LRP1B: variants seen among roughly 807,000 people sequenced by gnomAD.
The protein encoded by LRP1B is LDL receptor related protein 1B.
In LRP1B, 217 loss-of-function variants were observed where a neutral mutation model predicts 556.6. That is an observed-to-expected ratio of 0.39 (90% CI 0.35 to 0.44). The LOEUF is 0.44. Ranked by LOEUF, LRP1B falls within the 20% of genes least tolerant of loss-of-function variation. LRP1B has a pLI of 1.00. For synonymous variants in LRP1B, 2,047 were observed against 1,865.8 expected, an observed-to-expected ratio of 1.10 and a Z score of -2.50; for missense variants, 5,053 against 5,620.8, an observed-to-expected ratio of 0.90 and a Z score of 3.23.
chr2:141,172,312 C>A (rs1680534970), intron 7 of LRP1B, among the ~76,000 whole-genome samples: 1 of 151,898 alleles, frequency 6.6e-6, no homozygotes, highest in African/African-American at 2.4e-5. Context: ...CAACATGAAC[C>A]GTCAGAATAA....
At chr2:140,545,120 T>C (rs1485236384) in intron 43 of LRP1B, among the ~76,000 whole-genome samples, 1 of 148,658 alleles carries the variant, frequency 6.7e-6, no homozygotes, top group Non-Finnish European at 1.5e-5. Flanking sequence ...GTTTATGTCC[T>C]TTGCCCACAT....
chr2:140,263,922 G>A (rs561508739), intron 86 of LRP1B, among the ~76,000 whole-genome samples: 5 of 151,470 alleles, frequency 3.3e-5, no homozygotes, highest in South Asian at 4.2e-4. Context: ...TTCTGGTATC[G>A]AAATATTCAT....
At chr2:140,761,927 CTCT>C (rs1365179786) in intron 35 of LRP1B, among the ~76,000 whole-genome samples, 4 of 151,840 alleles carry the variant, frequency 2.6e-5, no homozygotes, top group Admixed American at 2.0e-4. Context: ...GATTTTTTCT[CTCT>C]TCTTCTCCTC....
At chr2:141,525,548 G>A (rs1470604883) in intron 2 of LRP1B, among the ~76,000 whole-genome samples, 1 of 151,778 alleles carries the variant, frequency 6.6e-6, no homozygotes, top group Non-Finnish European at 1.5e-5. Flanking sequence ...AGACACTCAG[G>A]GAACTTAAAA....
At chr2:141,383,571 C>CA (rs1184094433) in intron 3 of LRP1B, among the ~76,000 whole-genome samples, 23 of 152,122 alleles carry the variant, frequency 1.5e-4, no homozygotes, top group South Asian at 6.2e-4. Context: ...AATATTATGT[C>CA]AAAAATGTAT....
chr2:141,467,517 A>G (rs1277262111), intron 3 of LRP1B, among the ~76,000 whole-genome samples: 1 of 152,132 alleles, frequency 6.6e-6, no homozygotes. Context: ...CATAAGGTAG[A>G]TGGCAATCTG....
At chr2:140,532,347 C>G (rs1356661342) in intron 47 of LRP1B, among the ~76,000 whole-genome samples, 1 of 151,766 alleles carries the variant, frequency 6.6e-6, no homozygotes, top group Admixed American at 6.6e-5. Flanking sequence ...ACCTTCATGC[C>G]CTGGCTCCTT....
At chr2:142,049,891 T>C (rs1704391208) in intron 1 of LRP1B, among the ~76,000 whole-genome samples, 1 of 152,150 alleles carries the variant, frequency 6.6e-6, no homozygotes, top group Non-Finnish European at 1.5e-5. Flanking sequence ...GGATTCTTCC[T>C]CTTGTGGATA....
intron 2 of LRP1B, among the ~76,000 whole-genome samples, chr2:141,558,076 T>G (rs965111105): frequency 3.3e-5 from 5 of 151,940 alleles, no homozygotes; most frequent in African/African-American, 1.2e-4. Context: ...GGGCAATTAA[T>G]GACTTGTTGC....
At chr2:141,827,460 C>G (rs1228645390) in intron 1 of LRP1B, among the ~76,000 whole-genome samples, 1 of 152,140 alleles carries the variant, frequency 6.6e-6, no homozygotes, top group Admixed American at 6.5e-5. Context: ...GTCTGCCCAG[C>G]CTTCATTATG....
intron 7 of LRP1B, among the ~76,000 whole-genome samples, chr2:141,118,163 C>T (rs951116351): frequency 1.5e-5 from 2 of 135,988 alleles, no homozygotes; most frequent in African/African-American, 2.7e-5. Context: ...AGTTTTGATG[C>T]TTCAAAAATA....
chr2:140,886,345 A>T lies in LRP1B; in HGVS notation c.3767-10T>A. The T allele has an allele frequency of 6.7e-7, 1 of 1,491,384 alleles. No homozygotes were observed. The highest frequency in any genetic ancestry group is 9.1e-7 in the Non-Finnish European group (1 of 1,098,266). The allele number at this position is 1,491,384 out of a possible 1,614,324, so 92.4% of individuals were successfully genotyped here. ...AATGCTTCAAAAGGATCTGAAATTA[A>T]ATTTATTTTTAATAGGCTTATGAAA... is the stretch of plus-strand genomic sequence containing the variant. On this transcript the variant is annotated splice_polypyrimidine_tract_variant and intron_variant, in intron 23 of 90. Transcript: ENST00000389484.
At chr2:140,479,111 G>C (rs2105353238) in intron 59 of LRP1B, among the ~76,000 whole-genome samples, 1 of 152,138 alleles carries the variant, frequency 6.6e-6, no homozygotes, top group Middle Eastern at 3.4e-3. Flanking sequence ...ACTCAGGTAA[G>C]CATGAGCCTT....
In LRP1B at chr2:142,003,122, A is replaced by G. The variant is rs576790236; in HGVS notation, c.82+127526T>C. Among the ~76,000 whole-genome samples, 15 of 152,398 alleles carry G rather than the reference A, an allele frequency of 9.8e-5. No homozygotes were observed. The South Asian group carries it at 2.9e-3, about 29-fold the overall frequency. ...AGGTTTTATAACTCTCTGTATGGAC[A>G]TGTAACATGTCATTGAAAGGTTCTA... On this transcript the variant is annotated intron_variant, in intron 1 of 90. Transcript: ENST00000389484.
chr2:141,715,562 C>A (rs1201413406), intron 2 of LRP1B, among the ~76,000 whole-genome samples: 2 of 152,254 alleles, frequency 1.3e-5, no homozygotes, highest in South Asian at 2.1e-4. Flanking sequence ...CACCTGTAAT[C>A]CCAGCGCTTT....
Position 140,485,354 on chromosome 2 carries a change from A to G in LRP1B, c.9414T>C (p.Asp3138=). The change falls in exon 59 of 91, where the codon GAT becomes GAC. Residue 3138 remains aspartate, a synonymous_variant. Transcript: ENST00000389484. The stretch of plus-strand genomic sequence containing the variant: ...CAGTTTTTACAAACCCAGCTTGAGG[A>G]TCTAAAGACAAGTCTCTGGGAAACT... ...RLKFPRDLSL[D]PQAGYLYWID... The G allele has an allele frequency of 1.2e-6, 2 of 1,609,448 alleles. No homozygotes were observed. Among genetic ancestry groups the G allele is most frequent in the South Asian group, 1.1e-5 (1 of 89,880 alleles).
At chr2:141,137,593 T>C (rs1279501842) in intron 7 of LRP1B, among the ~76,000 whole-genome samples, 1 of 151,986 alleles carries the variant, frequency 6.6e-6, no homozygotes, top group Non-Finnish European at 1.5e-5. Flanking sequence ...CTTATTATAT[T>C]TTGATAAATA....
At chr2:140,791,754 C>T (rs1690127753) in intron 32 of LRP1B, among the ~76,000 whole-genome samples, 1 of 152,128 alleles carries the variant, frequency 6.6e-6, no homozygotes, top group Non-Finnish European at 1.5e-5. Flanking sequence ...TGCCTTGTAC[C>T]AGATTGCCTT....
chr2:140,864,096 C>G (rs532010200), intron 27 of LRP1B, among the ~76,000 whole-genome samples: 49 of 151,936 alleles, frequency 3.2e-4, no homozygotes, highest in Admixed American at 1.5e-3. Flanking sequence ...CTTAGTATTT[C>G]TCTGTCTTAG....
Sources: gnomAD v4.1 joint callset for allele counts (sites outside exome capture counted in the v4.1 genomes callset) on GRCh38, gnomAD v4.1.1 for gene constraint, MANE v1.5 for transcripts, NCBI Gene and HGNC (gene_info 2026-07-23, HGNC 2026-07-21) for gene names.